The following ZFAT variants were observed in gnomAD, a reference collection of about 807,000 sequenced individuals.
ZFAT encodes the protein zinc finger protein ZFAT.
A neutral mutation model predicts 117.7 loss-of-function variants in ZFAT; 64 were observed. The ratio of observed to expected loss-of-function variants is 0.54; its 90% CI spans 0.44 to 0.67. The LOEUF (loss-of-function observed/expected upper bound fraction) is 0.67. Among genes scored for constraint, ZFAT ranks in the 30% least tolerant of loss-of-function variants. The pLI is 0.00. For missense variants in ZFAT, 1,433 were observed against 1,584.5 expected, an observed-to-expected ratio of 0.90 and a Z score of 1.62; for synonymous variants, 679 against 615.0, an observed-to-expected ratio of 1.10 and a Z score of -1.54.
intron 2 of ZFAT, among the ~76,000 whole-genome samples, chr8:134,651,267 T>C (rs1051064168): frequency 3.3e-5 from 5 of 152,106 alleles, no homozygotes; most frequent in African/African-American, 1.2e-4. Flanking sequence ...AGCCTAAAAG[T>C]GAAAACAACT....
the ZFAT span, among the ~76,000 whole-genome samples, chr8:134,720,092 A>G: frequency 6.6e-6 from 1 of 152,262 alleles, no homozygotes; most frequent in Non-Finnish European, 1.5e-5. Context: ...AGGAAGCTCA[A>G]GCTAAACTAC....
At chr8:134,738,436 A>G in the ZFAT span, among the ~76,000 whole-genome samples, 1 of 152,210 alleles carries the variant, frequency 6.6e-6, no homozygotes, top group South Asian at 2.1e-4. Context: ...TTTTCATTTG[A>G]TTATTAATCC....
the ZFAT span, among the ~76,000 whole-genome samples, chr8:134,760,850 G>A: frequency 6.6e-6 from 1 of 152,190 alleles, no homozygotes; most frequent in Non-Finnish European, 1.5e-5. Context: ...AAAGTTACAA[G>A]ACAGGTGCTA....
chr8:134,556,032 G>C (rs1823580428), intron 11 of ZFAT, among the ~76,000 whole-genome samples: 1 of 19,036 alleles, frequency 5.3e-5, no homozygotes, highest in Non-Finnish European at 1.2e-4. Flanking sequence ...GGGAGGGAGA[G>C]AAGGAAGGAA....
the ZFAT span, among the ~76,000 whole-genome samples, chr8:134,819,618 T>C: frequency 6.6e-6 from 1 of 151,500 alleles, no homozygotes; most frequent in Admixed American, 6.6e-5. Context: ...CTCTGACTTC[T>C]TTCTGGGCTC....
intron 15 of ZFAT, among the ~76,000 whole-genome samples, chr8:134,495,043 T>C (rs755386572): frequency 1.3e-5 from 2 of 152,132 alleles, no homozygotes; most frequent in Non-Finnish European, 2.9e-5. Flanking sequence ...TGGTCTTAAG[T>C]CTCTCTCACA....
intron 14 of ZFAT, among the ~76,000 whole-genome samples, chr8:134,511,942 C>T (rs1267286503): frequency 3.9e-5 from 6 of 152,170 alleles, no homozygotes; most frequent in Non-Finnish European, 8.8e-5. Flanking sequence ...CTCTCTACCA[C>T]CCACTGAGCC....
chr8:134,583,312 G>A (rs1031106545), intron 10 of ZFAT, among the ~76,000 whole-genome samples: 4 of 152,176 alleles, frequency 2.6e-5, no homozygotes, highest in Admixed American at 2.0e-4. Context: ...TCAATCAATG[G>A]TTCTTAATGA....
the ZFAT span, chr8:134,796,241 C>T: frequency 1.3e-5 from 2 of 152,208 alleles, no homozygotes; most frequent in African/African-American, 4.8e-5. Context: ...AGGAGGGGGA[C>T]CTCTAGCCAG....
chr8:134,593,671 C>T (rs2130889037), intron 7 of ZFAT, among the ~76,000 whole-genome samples: 1 of 152,376 alleles, frequency 6.6e-6, no homozygotes, highest in African/African-American at 2.4e-5. Context: ...CAGCCCAGCT[C>T]TCTGCTCCGG....
chr8:134,499,639 C>T (rs1818811481), intron 15 of ZFAT, among the ~76,000 whole-genome samples: 1 of 151,878 alleles, frequency 6.6e-6, no homozygotes, highest in Non-Finnish European at 1.5e-5. Flanking sequence ...CCGTGATGCC[C>T]CCGTTGCTGG....
the ZFAT span, among the ~76,000 whole-genome samples, chr8:134,776,232 T>G: frequency 6.6e-6 from 1 of 152,194 alleles, no homozygotes; most frequent in African/African-American, 2.4e-5. Context: ...AATTCCAGCT[T>G]CTGTGATCCA....
intron 1 of ZFAT, among the ~76,000 whole-genome samples, chr8:134,701,369 G>C (rs1012472151): frequency 2.6e-5 from 4 of 152,156 alleles, no homozygotes; most frequent in African/African-American, 9.7e-5. Flanking sequence ...TTTTAAGGCT[G>C]AATAATACTT....
rs538294573 is a variant in ZFAT, at chr8:134,600,571, G to A, written c.2340C>T (p.Ile780=). 9.9e-6 allele frequency: 16 copies of A among 1,614,128 alleles called. No homozygotes were observed. In the South Asian group the frequency reaches 1.6e-4, roughly 17 times the overall value. Residue 780 remains isoleucine (I), a synonymous_variant, in exon 7 of 16, where the codon ATC becomes ATT. Coordinates refer to ENST00000377838, the MANE Select transcript of ZFAT (RefSeq NM_020863.4). ...YYCSQCHYSS[I]TKNCLKRHVI... The stretch of plus-strand genomic sequence containing the variant: ...CGTGGCGTTTAAGGCAGTTTTTGGT[G>A]ATGGAAGAATAATGACACTGAGAGC...
the ZFAT span, chr8:134,800,518 A>G: frequency 2.0e-6 from 1 of 510,390 alleles, no homozygotes; most frequent in South Asian, 1.5e-5. Flanking sequence ...ATTGGTTGAC[A>G]TTCCAAGTCA....
At chr8:134,540,709 A>T (rs1208461731) in intron 11 of ZFAT, among the ~76,000 whole-genome samples, 1 of 152,268 alleles carries the variant, frequency 6.6e-6, no homozygotes, top group African/African-American at 2.4e-5. Context: ...TAAGCCACTT[A>T]GAAACACTAA....
At chr8:134,632,100 T>C (rs2131074574) in intron 3 of ZFAT, among the ~76,000 whole-genome samples, 1 of 152,266 alleles carries the variant, frequency 6.6e-6, no homozygotes, top group East Asian at 1.9e-4. Context: ...AAGGGGAAAC[T>C]TATACTGAAA....
chr8:134,783,527 A>G, the ZFAT span, among the ~76,000 whole-genome samples: 1 of 152,178 alleles, frequency 6.6e-6, no homozygotes, highest in Non-Finnish European at 1.5e-5. Flanking sequence ...CCTGGTGCCA[A>G]AAAGGTTGGG....
At chr8:134,515,297 T>C (rs1820173350) in intron 13 of ZFAT, among the ~76,000 whole-genome samples, 1 of 152,254 alleles carries the variant, frequency 6.6e-6, no homozygotes, top group African/African-American at 2.4e-5. Flanking sequence ...TATAGTAGAA[T>C]GATTTATAAT....
Sources: gnomAD v4.1 joint callset for allele counts (sites outside exome capture counted in the v4.1 genomes callset) on GRCh38, gnomAD v4.1.1 for gene constraint, MANE v1.5 for transcripts, NCBI Gene and HGNC (gene_info 2026-07-23, HGNC 2026-07-21) for gene names.